STIP1: variants seen among roughly 807,000 people sequenced by gnomAD.
STIP1 encodes the protein stress induced phosphoprotein 1.
A neutral mutation model predicts 77.4 loss-of-function variants in STIP1; 16 were observed. The ratio of observed to expected loss-of-function variants is 0.21; its 90% confidence interval spans 0.14 to 0.31. The LOEUF (loss-of-function observed/expected upper bound fraction) is 0.31, where lower values mean the gene tolerates loss of function less well. Ranked by LOEUF, STIP1 falls within the 10% of genes least tolerant of loss-of-function variation. The pLI is 1.00. For synonymous variants in STIP1, 258 were observed against 246.6 expected, an observed-to-expected ratio of 1.05 and a Z score of -0.44; for missense variants, 524 against 684.8, an observed-to-expected ratio of 0.77 and a Z score of 2.62.
In STIP1 at chr11:64,194,338, C is replaced by A. The variant is rs767019938; in HGVS notation, c.361+8C>A. On this transcript the variant is annotated splice_region_variant and intron_variant, in intron 3 of 13. Coordinates refer to ENST00000305218, the MANE Select transcript of STIP1 (RefSeq NM_006819.3). ...TGGAGGCCAGGTTGGCAGGTAGGTA[C>A]CACGCACAGTTTTCTTTCTTATTAT... 25 of 1,612,530 alleles carry A rather than the reference C, an allele frequency of 1.6e-5. No homozygotes were observed. The highest frequency in any genetic ancestry group is 2.0e-5 in the Non-Finnish European group (24 of 1,179,644).
At chr11:64,190,016 T>TTC (rs1175237580) in intron 1 of STIP1, among the ~76,000 whole-genome samples, 171 of 151,914 alleles carry the variant, frequency 1.1e-3, no homozygotes, top group African/African-American at 3.8e-3. Flanking sequence ...TTTTTTTTTT[T>TTC]TCCAAATAGA....
chr11:64,193,839 T>TC (rs1946118728), intron 2 of STIP1, among the ~76,000 whole-genome samples: 1 of 151,878 alleles, frequency 6.6e-6, no homozygotes. Context: ...TCCCAGCACT[T>TC]TGGGAGGTTG....
chr11:64,196,865 C>T (rs1946156330), intron 5 of STIP1: 1 of 180,098 alleles, frequency 5.6e-6, no homozygotes, highest in African/African-American at 2.4e-5. Context: ...TCTCACCACC[C>T]CCTCTGCTAT....
In STIP1 at chr11:64,203,195, C is replaced by T; in HGVS notation, c.1353C>T (p.Tyr451=). ...ACTACACCAAAGCCATGGATGTGTACCAGAAGGCGCTAGACCTGGACTCCA... is the reference window on the plus strand; with the variant it reads ...ACTACACCAAAGCCATGGATGTGTATCAGAAGGCGCTAGACCTGGACTCCA... ...MKDYTKAMDV[Y]QKALDLDSSC... Residue 451 remains tyrosine, a synonymous_variant, in exon 12 of 14, where the codon TAC becomes TAT. Transcript: ENST00000305218. 1 of 1,614,168 alleles carries T rather than the reference C, an allele frequency of 6.2e-7. No homozygotes were observed. Among genetic ancestry groups the T allele is most frequent in the African/African-American group, 1.3e-5 (1 of 75,074 alleles).
chr11:64,188,487 A>C (rs542049069), intron 1 of STIP1, among the ~76,000 whole-genome samples: 174 of 152,220 alleles, frequency 1.1e-3, no homozygotes, highest in African/African-American at 3.9e-3. Context: ...TCCTGGCCTC[A>C]AGCGATCCTC....
intron 8 of STIP1, among the ~76,000 whole-genome samples, chr11:64,198,374 G>A (rs1946174607): frequency 6.6e-6 from 1 of 152,012 alleles, no homozygotes; most frequent in Admixed American, 6.6e-5. Flanking sequence ...CACTATGCCC[G>A]GCTAATTTTT....
At chr11:64,192,220 A>G (rs927262850) in intron 1 of STIP1, among the ~76,000 whole-genome samples, 13 of 152,174 alleles carry the variant, frequency 8.5e-5, no homozygotes, top group African/African-American at 3.1e-4. Flanking sequence ...AGGCTGAGGC[A>G]GGAGAATCGC....
intron 8 of STIP1, among the ~76,000 whole-genome samples, chr11:64,198,791 C>G (rs1490375797): frequency 3.7e-5 from 5 of 134,938 alleles, no homozygotes; most frequent in Non-Finnish European, 7.8e-5. Flanking sequence ...TGGTATTGGC[C>G]AAGATTTCAA....
At chr11:64,203,067 T>G (rs1189059684) in intron 11 of STIP1, 58 bp from the exon 12 acceptor site, 1 of 1,605,854 alleles carries the variant, frequency 6.2e-7, no homozygotes, top group Non-Finnish European at 8.5e-7. Flanking sequence ...GGTGAAGAGG[T>G]GCAAGGAGCA....
intron 1 of STIP1, among the ~76,000 whole-genome samples, chr11:64,187,319 TC>T (rs1319547475): frequency 1.3e-5 from 2 of 151,982 alleles, no homozygotes; most frequent in East Asian, 3.9e-4. Context: ...CTCCGAGAAA[TC>T]ATCCTCCCGC....
Position 64,204,171 on chromosome 11 carries a change from G to A in STIP1, c.*45G>A, listed in dbSNP as rs199618465. 3.4e-5 allele frequency: 55 copies of A among 1,607,576 alleles called. No homozygotes were observed. Among genetic ancestry groups the A allele is most frequent in the Non-Finnish European group, 4.5e-5 (53 of 1,174,874 alleles). On this transcript the variant is annotated 3_prime_UTR_variant, in exon 14 of 14. Transcript: ENST00000305218. Reference sequence around the variant, plus strand: ...TCCCTTCGCCCTCATGTGGAAAGAGGAGCTGGGACCGCGGCGAGCAGCACG... The same window carrying A: ...TCCCTTCGCCCTCATGTGGAAAGAGAAGCTGGGACCGCGGCGAGCAGCACG...
intron 10 of STIP1, 57 bp downstream of exon 10, chr11:64,200,350 T>C (rs1451248409): frequency 3.9e-6 from 6 of 1,556,554 alleles, no homozygotes; most frequent in South Asian, 2.4e-5. Context: ...GGAGTGGGTT[T>C]TCTCTCTCTC....
In STIP1 at chr11:64,193,117, G is replaced by A. The variant is rs769617573; in HGVS notation, c.49G>A (p.Val17Met). 1.4e-5 allele frequency: 23 copies of A among 1,614,074 alleles called. No homozygotes were observed. The highest frequency in any genetic ancestry group is 3.3e-5 in the Admixed American group (2 of 59,996). The change falls in exon 2 of 14, where the codon GTG becomes ATG. Residue 17 changes from valine (V) to methionine (M), a missense_variant. Physicochemically the swap from Val to Met is conservative, Grantham distance 21 (BLOSUM62 1). Transcript: ENST00000305218. Reference protein sequence around the residue: ...LKEKGNKALSVGNIDDALQCY... With the variant: ...LKEKGNKALSMGNIDDALQCY... Reference sequence around the variant, plus strand: ...GGAGAAAGGCAACAAGGCCCTGAGCGTGGGTAACATCGATGATGCCTTACA... The same window carrying A: ...GGAGAAAGGCAACAAGGCCCTGAGCATGGGTAACATCGATGATGCCTTACA...
At chr11:64,188,482 G>T (rs1041891466) in intron 1 of STIP1, among the ~76,000 whole-genome samples, 8 of 152,134 alleles carry the variant, frequency 5.3e-5, no homozygotes, top group Admixed American at 2.0e-4. Flanking sequence ...CAAGTTCCTG[G>T]CCTCAAGCGA....
intron 8 of STIP1, among the ~76,000 whole-genome samples, chr11:64,199,737 A>G (rs1946194770): frequency 6.6e-6 from 1 of 150,924 alleles, no homozygotes; most frequent in African/African-American, 2.4e-5. Context: ...CTAATTTTTT[A>G]TATTTTTAGT....
Position 64,195,703 on chromosome 11 carries a change from G to A in STIP1, c.562G>A (p.Gly188Ser). Residue 188 changes from glycine to serine, a missense_variant, in exon 5 of 14, where the codon GGC becomes AGC. Coordinates refer to ENST00000305218, the MANE Select transcript of STIP1 (RefSeq NM_006819.3). ...TLSVLLGVDL[G>S]SMDEEEEIAT... ...CAGCGTCCTCCTTGGGGTCGATCTG[G>A]GCAGTATGGATGAGGAGGAAGAGAT... 1.9e-6 allele frequency: 3 copies of A among 1,614,024 alleles called. No individual in the cohort carries two copies. Among genetic ancestry groups the A allele is most frequent in the Non-Finnish European group, 2.5e-6 (3 of 1,180,008 alleles).
Position 64,195,714 on chromosome 11 carries a change from T to C in STIP1, c.573T>C (p.Asp191=). 2 of 1,614,084 alleles carry C rather than the reference T, an allele frequency of 1.2e-6. No individual in the cohort carries two copies. The highest frequency in any genetic ancestry group is 1.7e-6 in the Non-Finnish European group (2 of 1,180,012). The change falls in exon 5 of 14, where the codon GAT becomes GAC. Residue 191 remains aspartate, a synonymous_variant. Transcript: ENST00000305218. ...VLLGVDLGSM[D]EEEEIATPPP... is the part of the protein sequence containing the mutation. ...TTGGGGTCGATCTGGGCAGTATGGATGAGGAGGAAGAGATTGCAACACCTC... is the reference window on the plus strand; with the variant it reads ...TTGGGGTCGATCTGGGCAGTATGGACGAGGAGGAAGAGATTGCAACACCTC...
chr11:64,192,970 A>G, intron 1 of STIP1, 108 bp from the exon 2 acceptor site: 1 of 1,038,746 alleles, frequency 9.6e-7, no homozygotes, highest in South Asian at 1.4e-5. Context: ...TGATCTGTAA[A>G]GTCACCTATT....
At chr11:64,185,797 T>C (rs1196562420), upstream of STIP1, 1 of 1,534,858 alleles carries the variant, frequency 6.5e-7, no homozygotes. Context: ...CCAATTGGAA[T>C]CGCTCTCATT....
Sources: gnomAD v4.1 joint callset for allele counts (sites outside exome capture counted in the v4.1 genomes callset) on GRCh38, gnomAD v4.1.1 for gene constraint, MANE v1.5 for transcripts, NCBI Gene and HGNC (gene_info 2026-07-23, HGNC 2026-07-21) for gene names.